The following ACYP2 variants were observed in gnomAD, a reference collection of about 807,000 sequenced individuals.
The protein encoded by ACYP2 is acylphosphatase 2, also known as acylphosphatase-2.
ACYP2 carries 12 observed loss-of-function variants against 11.2 expected under a neutral mutation model. The observed-to-expected ratio is 1.08, with a 90% confidence interval of 0.69 to 1.74. The LOEUF is 1.74. Ranked by LOEUF, ACYP2 falls within the 40% of genes most tolerant of loss-of-function variation. The pLI, the probability that ACYP2 is intolerant of heterozygous loss-of-function variation, is 0.00. For missense variants in ACYP2, 134 were observed against 101.9 expected (o/e 1.31, Z -1.35); for synonymous variants, 43 against 32.2 (o/e 1.33, Z -1.13).
chr2:54,230,702 C>T (rs1686197215), intron 6 of ACYP2, among the ~76,000 whole-genome samples: 1 of 151,280 alleles, frequency 6.6e-6, no homozygotes, highest in Non-Finnish European at 1.5e-5. Flanking sequence ...TCCTTTCTGT[C>T]GATCCAAGTC....
chr2:54,293,619 G>A (rs1445012657), intron 6 of ACYP2, among the ~76,000 whole-genome samples: 1 of 152,206 alleles, frequency 6.6e-6, no homozygotes, highest in Non-Finnish European at 1.5e-5. Context: ...GGCAAAGGCA[G>A]GAAACAATTA....
rs550142135 is a variant in ACYP2, at chr2:54,035,009, CAAAAAA to C, written c.63-15931_63-15926del. On this transcript the variant is annotated intron_variant, in intron 2 of 6. Transcript: ENST00000607452. Reference sequence around the variant, plus strand: ...CAGGCGACAGTGCGAGACTACATCTCAAAAAAAAAAAAAAAAAAAAAAAGCCTAGAC... The same window carrying C: ...CAGGCGACAGTGCGAGACTACATCTCAAAAAAAAAAAAAAAAAGCCTAGAC... 1.6e-3 allele frequency among the ~76,000 whole-genome samples: 71 copies of C among 44,782 alleles called. 1 individual carries two copies. The East Asian group carries it at 0.028, about 18-fold the overall frequency. The allele number at this position is 44,782 out of a possible 152,430, so 29.4% of individuals were successfully genotyped here.
intron 6 of ACYP2, among the ~76,000 whole-genome samples, chr2:54,304,090 G>C (rs1287558646): frequency 2.0e-5 from 3 of 152,130 alleles, no homozygotes; most frequent in African/African-American, 7.2e-5. Context: ...CAATCACTTT[G>C]TTAATATATG....
At chr2:54,112,559 G>A (rs1679515272) in intron 4 of ACYP2, among the ~76,000 whole-genome samples, 1 of 152,168 alleles carries the variant, frequency 6.6e-6, no homozygotes, top group African/African-American at 2.4e-5. Context: ...TTTTATGGTA[G>A]TGAAAAATGA....
chr2:54,111,498 C>T (rs1679459246), intron 4 of ACYP2, among the ~76,000 whole-genome samples: 1 of 152,068 alleles, frequency 6.6e-6, no homozygotes, highest in Admixed American at 6.5e-5. Context: ...AAAATTGGTT[C>T]AAACCTGGGA....
intron 4 of ACYP2, among the ~76,000 whole-genome samples, chr2:54,087,374 A>T (rs994698999): frequency 1.1e-4 from 16 of 151,544 alleles, no homozygotes; most frequent in African/African-American, 3.9e-4. Flanking sequence ...TTGAGATAGG[A>T]TTTCACTTTG....
chr2:54,031,054 A>G (rs1272212927), intron 2 of ACYP2, among the ~76,000 whole-genome samples: 1 of 152,208 alleles, frequency 6.6e-6, no homozygotes, highest in East Asian at 1.9e-4. Context: ...GACATGTGCT[A>G]TAACAGAGGA....
intron 6 of ACYP2, among the ~76,000 whole-genome samples, chr2:54,240,433 C>T (rs1054484997): frequency 5.3e-5 from 8 of 152,210 alleles, no homozygotes; most frequent in African/African-American, 1.9e-4. Context: ...CACATCAGAC[C>T]TTTGTAGCCT....
At chr2:54,052,427 A>T (rs916916611) in intron 3 of ACYP2, among the ~76,000 whole-genome samples, 1 of 152,120 alleles carries the variant, frequency 6.6e-6, no homozygotes, top group African/African-American at 2.4e-5. Context: ...ATTGGCATGG[A>T]AATTTAAAGC....
intron 2 of ACYP2, among the ~76,000 whole-genome samples, chr2:54,011,346 C>T (rs1368658043): frequency 3.9e-5 from 6 of 152,016 alleles, no homozygotes; most frequent in Non-Finnish European, 7.4e-5. Context: ...TTGAATAAAA[C>T]GTTCTCTCTC....
chr2:54,005,323 A>G lies in ACYP2; in HGVS notation c.62+31513A>G, dbSNP rs530825176. ...TTGTTGCTTTGCCAAAGATCAGTTG[A>G]CTCTGTTTATGAAAGTCTATTTTTT... On this transcript the variant is annotated intron_variant, in intron 2 of 6. Coordinates refer to ENST00000607452, the MANE Select transcript of ACYP2 (RefSeq NM_001320586.2). Among the ~76,000 whole-genome samples the G allele has an allele frequency of 2.0e-5, 3 of 146,978 alleles. No individual in the cohort carries two copies. The East Asian group carries it at 5.9e-4, about 29-fold the overall frequency.
chr2:54,090,602 G>A (rs1195298028), intron 4 of ACYP2, among the ~76,000 whole-genome samples: 1 of 152,234 alleles, frequency 6.6e-6, no homozygotes, highest in African/African-American at 2.4e-5. Flanking sequence ...CTGCGCTCCA[G>A]TCTGGGCAAC....
At chr2:54,168,767 T>C (rs570774398) in intron 6 of ACYP2, among the ~76,000 whole-genome samples, 1 of 152,328 alleles carries the variant, frequency 6.6e-6, no homozygotes, top group South Asian at 2.1e-4. Flanking sequence ...AAATGGATGA[T>C]AAAACAGGAA....
At chr2:54,178,282 G>A (rs1481890409) in intron 6 of ACYP2, among the ~76,000 whole-genome samples, 1 of 151,990 alleles carries the variant, frequency 6.6e-6, no homozygotes, top group African/African-American at 2.4e-5. Context: ...CATTTATTAT[G>A]CCATTGAAAA....
chr2:54,291,247 C>G (rs1240980288), intron 6 of ACYP2, among the ~76,000 whole-genome samples: 1 of 152,220 alleles, frequency 6.6e-6, no homozygotes, highest in Non-Finnish European at 1.5e-5. Flanking sequence ...TCCCTCTTCT[C>G]TGGTCATGCC....
intron 6 of ACYP2, among the ~76,000 whole-genome samples, chr2:54,280,668 A>G (rs1480225138): frequency 2.0e-5 from 3 of 152,210 alleles, no homozygotes; most frequent in Non-Finnish European, 4.4e-5. Context: ...TGGCAAAACA[A>G]TATATGCCTT....
intron 2 of ACYP2, among the ~76,000 whole-genome samples, chr2:54,003,206 C>T (rs373894446): frequency 4.6e-5 from 7 of 152,142 alleles, no homozygotes; most frequent in Admixed American, 6.6e-5. Flanking sequence ...CATCAGCCTC[C>T]CAAAGTGATG....
At chr2:54,104,882 C>T (rs1277546750) in intron 4 of ACYP2, among the ~76,000 whole-genome samples, 1 of 152,110 alleles carries the variant, frequency 6.6e-6, no homozygotes, top group Non-Finnish European at 1.5e-5. Flanking sequence ...TAGGGGATTG[C>T]ACAAAAAGTG....
intron 4 of ACYP2, among the ~76,000 whole-genome samples, chr2:54,060,975 G>C (rs1573631625): frequency 1.3e-5 from 2 of 152,044 alleles, no homozygotes; most frequent in African/African-American, 4.8e-5. Flanking sequence ...CAGAAAAAAA[G>C]AGAAGACAAA....
Sources: gnomAD v4.1 joint callset for allele counts (sites outside exome capture counted in the v4.1 genomes callset) on GRCh38, gnomAD v4.1.1 for gene constraint, MANE v1.5 for transcripts, NCBI Gene and HGNC (gene_info 2026-07-23, HGNC 2026-07-21) for gene names.